The following CIMIP6 variants were observed in gnomAD, a reference collection of about 807,000 sequenced individuals.
CIMIP6 encodes the protein uncharacterized protein C2orf73.
At chr2:54,352,925 T>C in the CIMIP6 span, among the ~76,000 whole-genome samples, 4 of 152,336 alleles carry the variant, frequency 2.6e-5, no homozygotes, top group East Asian at 5.8e-4. Flanking sequence ...GAGCACCAAC[T>C]GTACATTAGA....
At chr2:54,381,717 C>G in the CIMIP6 span, 1 of 1,305,052 alleles carries the variant, frequency 7.7e-7, no homozygotes, top group Non-Finnish European at 1.0e-6. Context: ...GTGCCATCTG[C>G]CCTTTTGAGG....
At chr2:54,359,597 CAAT>C in the CIMIP6 span, among the ~76,000 whole-genome samples, 4,532 of 149,018 alleles carry the variant, frequency 0.03, 145 homozygotes, top group African/African-American at 0.085. Flanking sequence ...TTTCTAATAA[CAAT>C]AATAATAATA....
At chr2:54,360,106 G>A in the CIMIP6 span, 6 of 1,427,384 alleles carry the variant, frequency 4.2e-6, no homozygotes, top group East Asian at 2.5e-5. Flanking sequence ...CTGCATCACT[G>A]ACTAGGACTT....
chr2:54,344,640 T>A, the CIMIP6 span, among the ~76,000 whole-genome samples: 11 of 152,132 alleles, frequency 7.2e-5, no homozygotes, highest in Non-Finnish European at 1.6e-4. Context: ...TATCCCAACA[T>A]TAAGACTACT....
the CIMIP6 span, among the ~76,000 whole-genome samples, chr2:54,354,027 G>A: frequency 5.9e-5 from 9 of 152,110 alleles, no homozygotes; most frequent in South Asian, 2.1e-4. Flanking sequence ...TCCACCATGC[G>A]CGCACTATTA....
chr2:54,337,829 A>G, the CIMIP6 span, among the ~76,000 whole-genome samples: 3 of 152,226 alleles, frequency 2.0e-5, no homozygotes, highest in Non-Finnish European at 4.4e-5. Flanking sequence ...CTGTCAGTGA[A>G]TATGAATGAG....
At chr2:54,362,372 AAC>A in the CIMIP6 span, among the ~76,000 whole-genome samples, 2 of 152,228 alleles carry the variant, frequency 1.3e-5, no homozygotes, top group African/African-American at 4.8e-5. Context: ...AAAGAATTAA[AAC>A]ACTTTCAATT....
chr2:54,364,247 A>T, the CIMIP6 span, among the ~76,000 whole-genome samples: 1 of 152,232 alleles, frequency 6.6e-6, no homozygotes, highest in African/African-American at 2.4e-5. Flanking sequence ...AGAATATTTG[A>T]ATGTTTCCAA....
chr2:54,376,602 C>A, the CIMIP6 span, among the ~76,000 whole-genome samples: 5 of 152,192 alleles, frequency 3.3e-5, no homozygotes, highest in Admixed American at 2.6e-4. Context: ...GGACATAAAT[C>A]TGACCTTTGG....
At chr2:54,333,886 G>A in the CIMIP6 span, among the ~76,000 whole-genome samples, 8 of 152,008 alleles carry the variant, frequency 5.3e-5, no homozygotes, top group East Asian at 1.2e-3. Context: ...GTAAGACTCC[G>A]TCTCAAAAAG....
At chr2:54,372,471 C>T in the CIMIP6 span, among the ~76,000 whole-genome samples, 2 of 152,116 alleles carry the variant, frequency 1.3e-5, no homozygotes. Context: ...GTCTGTGTCC[C>T]CTCTGCGAAT....
chr2:54,352,517 TTAAGA>T, the CIMIP6 span, among the ~76,000 whole-genome samples: 1 of 152,200 alleles, frequency 6.6e-6, no homozygotes, highest in African/African-American at 2.4e-5. Context: ...AAGTGGCTAA[TTAAGA>T]TGTTTATTAC....
chr2:54,333,971 A>G, the CIMIP6 span, among the ~76,000 whole-genome samples: 1 of 152,294 alleles, frequency 6.6e-6, no homozygotes, highest in Non-Finnish European at 1.5e-5. Context: ...TTATACTTTA[A>G]GGGCTGTGTA....
the CIMIP6 span, among the ~76,000 whole-genome samples, chr2:54,348,543 C>T: frequency 6.6e-6 from 1 of 152,102 alleles, no homozygotes; most frequent in Non-Finnish European, 1.5e-5. Context: ...CATTCTTCAA[C>T]AAAGTCATAA....
the CIMIP6 span, among the ~76,000 whole-genome samples, chr2:54,371,795 T>C: frequency 6.6e-6 from 1 of 152,112 alleles, no homozygotes; most frequent in Non-Finnish European, 1.5e-5. Context: ...TGCTCCTGTT[T>C]GGGGAGCAGC....
chr2:54,360,103 A>G, the CIMIP6 span: 1 of 1,408,986 alleles, frequency 7.1e-7, no homozygotes, highest in Non-Finnish European at 9.4e-7. Context: ...TGCCTGCATC[A>G]CTGACTAGGA....
At chr2:54,381,914 ACAGAGAGAT>A in the CIMIP6 span, 1 of 1,550,676 alleles carries the variant, frequency 6.4e-7, no homozygotes, top group Admixed American at 2.0e-5. Flanking sequence ...AAGAAAAGGA[ACAGAGAGAT>A]CACGGGCATG....
At chr2:54,379,070 C>T in the CIMIP6 span, among the ~76,000 whole-genome samples, 14 of 152,138 alleles carry the variant, frequency 9.2e-5, no homozygotes, top group Admixed American at 2.0e-4. Flanking sequence ...AACAAATGAA[C>T]GAAGCAATAA....
chr2:54,364,190 A>G, the CIMIP6 span, among the ~76,000 whole-genome samples: 5 of 152,186 alleles, frequency 3.3e-5, no homozygotes, highest in South Asian at 8.3e-4. Flanking sequence ...ATAGTCTATT[A>G]AAGTCATAAC....
Sources: gnomAD v4.1 joint callset for allele counts (sites outside exome capture counted in the v4.1 genomes callset) on GRCh38, gnomAD v4.1.1 for gene constraint, MANE v1.5 for transcripts, NCBI Gene and HGNC (gene_info 2026-07-23, HGNC 2026-07-21) for gene names.